The following CACNA2D3 variants were observed in gnomAD, a reference collection of about 807,000 sequenced individuals.
CACNA2D3 encodes the protein calcium voltage-gated channel auxiliary subunit alpha2delta 3.
Under a neutral mutation model 160.6 loss-of-function variants are expected in CACNA2D3, and 60 were observed. That is an observed-to-expected ratio of 0.37 (90% CI 0.30 to 0.46). CACNA2D3 has a LOEUF of 0.46. Among genes scored for constraint, CACNA2D3 ranks in the 20% least tolerant of loss-of-function variants. CACNA2D3 has a pLI of 1.00. For missense variants in CACNA2D3, 1,205 were observed against 1,365.0 expected, an observed-to-expected ratio of 0.88 and a Z score of 1.85; for synonymous variants, 558 against 492.9, an observed-to-expected ratio of 1.13 and a Z score of -1.75.
At chr3:54,922,059 C>G (rs1244338120) in intron 27 of CACNA2D3, among the ~76,000 whole-genome samples, 1 of 152,170 alleles carries the variant, frequency 6.6e-6, no homozygotes, top group Non-Finnish European at 1.5e-5. Context: ...TACCCCAAAT[C>G]AATTTCTGCC....
At chr3:54,376,152 CCTAT>C (rs1699008708) in intron 3 of CACNA2D3, among the ~76,000 whole-genome samples, 1 of 152,176 alleles carries the variant, frequency 6.6e-6, no homozygotes, top group Non-Finnish European at 1.5e-5. Context: ...AACACCCTTG[CCTAT>C]CTGAGTCCCA....
intron 9 of CACNA2D3, among the ~76,000 whole-genome samples, chr3:54,625,933 A>G (rs1559530636): frequency 6.6e-6 from 1 of 152,188 alleles, no homozygotes; most frequent in Non-Finnish European, 1.5e-5. Context: ...GGGTTTCACC[A>G]TCTGAGTGCT....
intron 11 of CACNA2D3, among the ~76,000 whole-genome samples, chr3:54,700,833 T>C (rs920192654): frequency 9.2e-5 from 14 of 152,206 alleles, no homozygotes; most frequent in Non-Finnish European, 1.6e-4. Context: ...AGTCCCTTTG[T>C]ATAGGGCTGG....
At chr3:54,541,657 GT>G (rs1353158357) in intron 5 of CACNA2D3, among the ~76,000 whole-genome samples, 1 of 152,188 alleles carries the variant, frequency 6.6e-6, no homozygotes, top group African/African-American at 2.4e-5. Context: ...TTGTTGGGCA[GT>G]TTCTCAAGTT....
At chr3:55,033,564 C>A (rs950505566) in intron 35 of CACNA2D3, among the ~76,000 whole-genome samples, 1 of 108,112 alleles carries the variant, frequency 9.2e-6, no homozygotes, top group Admixed American at 1.3e-4. Context: ...CTGAAACTAT[C>A]GTGTCATTTA....
At chr3:54,801,795 C>T (rs1234775103) in intron 13 of CACNA2D3, among the ~76,000 whole-genome samples, 2 of 151,466 alleles carry the variant, frequency 1.3e-5, no homozygotes, top group East Asian at 1.9e-4. Flanking sequence ...TTAAACATAC[C>T]ATTGGAAGAA....
At chr3:54,358,956 C>T (rs1480103062) in intron 3 of CACNA2D3, among the ~76,000 whole-genome samples, 1 of 152,134 alleles carries the variant, frequency 6.6e-6, no homozygotes, top group Admixed American at 6.5e-5. Context: ...CATGTCCTTC[C>T]ACTCAACCAC....
chr3:54,241,484 A>G (rs1482770282), intron 2 of CACNA2D3, among the ~76,000 whole-genome samples: 5 of 152,222 alleles, frequency 3.3e-5, no homozygotes, highest in African/African-American at 1.2e-4. Flanking sequence ...TTAATCAGCA[A>G]AGGGACTGTC....
chr3:54,519,310 C>T (rs571898604), intron 5 of CACNA2D3, among the ~76,000 whole-genome samples: 5 of 152,304 alleles, frequency 3.3e-5, no homozygotes, highest in South Asian at 2.1e-4. Flanking sequence ...TGTAAGAAAG[C>T]GGGGTTCACA....
At chr3:54,774,272 G>T (rs945109289) in intron 13 of CACNA2D3, among the ~76,000 whole-genome samples, 1 of 152,178 alleles carries the variant, frequency 6.6e-6, no homozygotes, top group Non-Finnish European at 1.5e-5. Flanking sequence ...ACGAAAAGAG[G>T]TTTAATTGGC....
At chr3:54,291,030 A>C in intron 2 of CACNA2D3, among the ~76,000 whole-genome samples, 1 of 152,234 alleles carries the variant, frequency 6.6e-6, no homozygotes, top group East Asian at 1.9e-4. Context: ...CACGTTGTGC[A>C]CATGTACCCT....
At chr3:54,713,762 G>A (rs75623466) in intron 11 of CACNA2D3, among the ~76,000 whole-genome samples, 8,644 of 152,208 alleles carry the variant, frequency 0.057, 808 homozygotes, top group African/African-American at 0.2. Flanking sequence ...AAAGTTGAGA[G>A]AGCCACTCTC....
rs374151694 is a variant in CACNA2D3, at chr3:54,316,162, A to G, written c.205-4280A>G. Among the ~76,000 whole-genome samples, 7 of 151,956 alleles carry G rather than the reference A, an allele frequency of 4.6e-5. No individual in the cohort carries two copies. The South Asian group carries it at 6.2e-4, about 14-fold the overall frequency. ...AGTTACTGTCATACGTTGTGACACT[A>G]TTTCCTGTATTCTTTGACACAGTTT... On this transcript the variant is annotated intron_variant, in intron 2 of 37. Coordinates refer to ENST00000474759, the MANE Select transcript of CACNA2D3 (RefSeq NM_018398.3).
chr3:54,703,701 T>G (rs1419836727), intron 11 of CACNA2D3, among the ~76,000 whole-genome samples: 1 of 152,188 alleles, frequency 6.6e-6, no homozygotes, highest in Non-Finnish European at 1.5e-5. Context: ...CTATCAAGTT[T>G]AAACCTTGTT....
At chr3:54,896,375 A>G (rs1338952436) in intron 25 of CACNA2D3, among the ~76,000 whole-genome samples, 1 of 152,210 alleles carries the variant, frequency 6.6e-6, no homozygotes, top group Non-Finnish European at 1.5e-5. Context: ...GATTCTCCCA[A>G]GGGTATGAGT....
intron 9 of CACNA2D3, among the ~76,000 whole-genome samples, chr3:54,605,197 T>G (rs1698575949): frequency 6.6e-6 from 1 of 152,194 alleles, no homozygotes; most frequent in Non-Finnish European, 1.5e-5. Flanking sequence ...GGGTCCAACC[T>G]ACTCCAGTGT....
intron 35 of CACNA2D3, among the ~76,000 whole-genome samples, chr3:55,021,507 T>C (rs373406701): frequency 7.3e-5 from 11 of 151,246 alleles, no homozygotes; most frequent in Middle Eastern, 3.4e-3. Flanking sequence ...TCTTTGATGC[T>C]TAGCTTTTCA....
In CACNA2D3 at chr3:54,552,265, C is replaced by T. The variant is rs73841644; in HGVS notation, c.545-10535C>T. On this transcript the variant is annotated intron_variant, in intron 5 of 37. Transcript: ENST00000474759. The stretch of plus-strand genomic sequence containing the variant: ...CATCCATCCTGCCCTCTTTAATGTA[C>T]GCGTATATCCTGAGTATTAAGTACT... 8.2e-3 allele frequency among the ~76,000 whole-genome samples: 1,249 copies of T among 152,206 alleles called. 12 individuals carry two copies. The highest frequency in any genetic ancestry group is 0.027 in the African/African-American group (1,110 of 41,532).
chr3:54,964,668 A>T (rs1167760038), intron 27 of CACNA2D3, among the ~76,000 whole-genome samples: 5 of 152,144 alleles, frequency 3.3e-5, no homozygotes, highest in African/African-American at 1.2e-4. Flanking sequence ...AAAAATGTGG[A>T]CCAAAACTAA....
Sources: gnomAD v4.1 joint callset for allele counts (sites outside exome capture counted in the v4.1 genomes callset) on GRCh38, gnomAD v4.1.1 for gene constraint, MANE v1.5 for transcripts, NCBI Gene and HGNC (gene_info 2026-07-23, HGNC 2026-07-21) for gene names.